Variants in RBPJ observed in about 807,000 individuals in gnomAD.
RBPJ encodes the protein recombination signal binding protein for immunoglobulin kappa J region.
In RBPJ, 9 loss-of-function variants were observed where a neutral mutation model predicts 67.8. The ratio of observed to expected loss-of-function variants is 0.13; its 90% CI spans 0.08 to 0.23. The LOEUF (loss-of-function observed/expected upper bound fraction) is 0.23, where lower values mean the gene tolerates loss of function less well. Among genes scored for constraint, RBPJ ranks in the 10% least tolerant of loss-of-function variants. The pLI is 1.00. For synonymous variants in RBPJ, 198 were observed against 203.3 expected (o/e 0.97, Z 0.22); for missense variants, 305 against 595.6 (o/e 0.51, Z 5.08).
intron 1 of RBPJ, among the ~76,000 whole-genome samples, chr4:26,197,036 G>A (rs1717790953): frequency 6.6e-6 from 1 of 152,032 alleles, no homozygotes; most frequent in Non-Finnish European, 1.5e-5. Flanking sequence ...TCTTTCTCTC[G>A]CTCACTCTCT....
In RBPJ at chr4:26,420,856, GTCTC is replaced by G. The variant is rs1295637230; in HGVS notation, c.496+135_496+138del. On this transcript the variant is annotated intron_variant, in intron 5 of 10. Transcript: ENST00000355476. ...TAATATTTTTGTGGCCCTCTTTATT[GTCTC>G]TCTTTTTTTAATCGTAAATCGACAG... 14 of 711,358 alleles carry G rather than the reference GTCTC, an allele frequency of 2.0e-5. No homozygotes were observed. The Admixed American group carries it at 4.4e-4, about 23-fold the overall frequency. 44.1% of individuals were successfully genotyped at this position (711,358 alleles called of 1,614,324 possible).
At chr4:26,277,199 G>C in intron 1 of RBPJ, among the ~76,000 whole-genome samples, 1 of 149,792 alleles carries the variant, frequency 6.7e-6, no homozygotes, top group East Asian at 1.9e-4. Context: ...TTGAGCCCAC[G>C]AGTTCAAGGC....
At chr4:26,150,474 G>C in the RBPJ span, among the ~76,000 whole-genome samples, 155 of 152,346 alleles carry the variant, frequency 1.0e-3, no homozygotes, top group African/African-American at 3.7e-3. Flanking sequence ...CACTTGTAGA[G>C]CACTTACAGT....
intron 1 of RBPJ, among the ~76,000 whole-genome samples, chr4:26,287,096 A>C (rs1721492769): frequency 6.6e-6 from 1 of 152,134 alleles, no homozygotes; most frequent in Non-Finnish European, 1.5e-5. Flanking sequence ...CTAAACTAAA[A>C]GCTTTAGGTT....
At chr4:26,365,678 A>C (rs571043717) in intron 1 of RBPJ, among the ~76,000 whole-genome samples, 1 of 152,312 alleles carries the variant, frequency 6.6e-6, no homozygotes, top group East Asian at 1.9e-4. Context: ...AAGTGGTATT[A>C]GTTTTATATT....
intron 8 of RBPJ, 113 bp downstream of exon 8, chr4:26,428,973 T>A: frequency 1.3e-6 from 1 of 742,934 alleles, no homozygotes; most frequent in Non-Finnish European, 2.2e-6. Context: ...CATGAAGCTA[T>A]ACACAGATAT....
intron 1 of RBPJ, among the ~76,000 whole-genome samples, chr4:26,351,392 CTTTG>C (rs1275808175): frequency 6.6e-6 from 1 of 152,090 alleles, no homozygotes; most frequent in African/African-American, 2.4e-5. Flanking sequence ...TCTGAGAATG[CTTTG>C]TTTATTTTTT....
chr4:26,312,024 C>T (rs1722445079), intron 1 of RBPJ, among the ~76,000 whole-genome samples: 2 of 152,186 alleles, frequency 1.3e-5, no homozygotes. Context: ...TGCTTCAGTC[C>T]AAATTTACTC....
chr4:26,144,413 G>A, the RBPJ span, among the ~76,000 whole-genome samples: 2 of 151,738 alleles, frequency 1.3e-5, no homozygotes, highest in Admixed American at 6.6e-5. Flanking sequence ...GGGATTACAG[G>A]CATGCACCAC....
chr4:26,282,850 A>G (rs4692114), intron 1 of RBPJ, among the ~76,000 whole-genome samples: 69,449 of 149,626 alleles, frequency 0.46, 16,074 homozygotes, highest in Admixed American at 0.49. Context: ...ATAGCTTTAT[A>G]TTATATAATA....
intron 1 of RBPJ, among the ~76,000 whole-genome samples, chr4:26,351,062 T>TA (rs1409427737): frequency 6.6e-6 from 1 of 151,938 alleles, no homozygotes; most frequent in East Asian, 1.9e-4. Flanking sequence ...CACTATATTA[T>TA]ATACGTTATA....
upstream of RBPJ, among the ~76,000 whole-genome samples, chr4:26,319,358 G>C (rs1214469269): frequency 6.6e-6 from 1 of 152,140 alleles, no homozygotes; most frequent in East Asian, 1.9e-4. Flanking sequence ...CAGCGTCACA[G>C]GGCGTGTGCG....
rs1560352259 is a variant in RBPJ at position 26,431,354 on chromosome 4, GAC to G, written c.*351_*352del. ...GGAATACAAGTTGAACAAACTAGAA[GAC>G]ACAAATCTAACATAGTTTTTATGGA... On this transcript the variant is annotated 3_prime_UTR_variant, in exon 11 of 11. Transcript: ENST00000355476. 9.6e-6 allele frequency: 2 copies of G among 208,060 alleles called. No individual in the cohort carries two copies. Among genetic ancestry groups the G allele is most frequent in the African/African-American group, 4.7e-5 (2 of 42,610 alleles). The allele number at this position is 208,060 out of a possible 1,614,324, so 12.9% of individuals were successfully genotyped here.
intron 1 of RBPJ, among the ~76,000 whole-genome samples, chr4:26,272,078 T>A (rs561109086): frequency 6.6e-6 from 1 of 152,252 alleles, no homozygotes; most frequent in African/African-American, 2.4e-5. Flanking sequence ...ATATTAGGTA[T>A]AAGAATCAAT....
At chr4:26,333,040 C>G (rs1012974136) in intron 1 of RBPJ, among the ~76,000 whole-genome samples, 24 of 152,196 alleles carry the variant, frequency 1.6e-4, no homozygotes, top group African/African-American at 5.3e-4. Flanking sequence ...TACCTTTGAC[C>G]CTTGAACAAC....
chr4:26,131,355 AT>A, the RBPJ span, among the ~76,000 whole-genome samples: 1 of 152,180 alleles, frequency 6.6e-6, no homozygotes, highest in South Asian at 2.1e-4. Flanking sequence ...TTTTTAAAAA[AT>A]GTTACAGAAA....
intron 1 of RBPJ, among the ~76,000 whole-genome samples, chr4:26,225,946 A>T (rs933801806): frequency 8.6e-5 from 13 of 151,924 alleles, no homozygotes; most frequent in African/African-American, 3.1e-4. Flanking sequence ...TCAGGAGTTC[A>T]AGACCAGCCT....
chr4:26,343,740 T>C (rs1423260655), intron 1 of RBPJ, among the ~76,000 whole-genome samples: 1 of 86,326 alleles, frequency 1.2e-5, no homozygotes, highest in Non-Finnish European at 2.1e-5. Context: ...TTCTTTCTTC[T>C]TTTTTTTTTT....
At chr4:26,412,665 C>T (rs889899514) in intron 3 of RBPJ, among the ~76,000 whole-genome samples, 3 of 152,200 alleles carry the variant, frequency 2.0e-5, no homozygotes, top group African/African-American at 7.2e-5. Context: ...TACTAAAACA[C>T]AGCTCTTTTG....
Sources: gnomAD v4.1 joint callset for allele counts (sites outside exome capture counted in the v4.1 genomes callset) on GRCh38, gnomAD v4.1.1 for gene constraint, MANE v1.5 for transcripts, NCBI Gene and HGNC (gene_info 2026-07-23, HGNC 2026-07-21) for gene names.